GALNT13: variants seen among roughly 807,000 people sequenced by gnomAD.
The protein encoded by GALNT13 is UDP-GalNAc:polypeptide N-acetylgalactosaminyltransferase 13.
A neutral mutation model predicts 64.2 loss-of-function variants in GALNT13; 28 were observed. That is an observed-to-expected ratio of 0.44 (90% CI 0.32 to 0.60). The LOEUF is 0.60. Ranked by LOEUF, GALNT13 falls within the 20% of genes least tolerant of loss-of-function variation. The pLI, the probability that GALNT13 is intolerant of heterozygous loss-of-function variation, is 0.05. For synonymous variants in GALNT13, 214 were observed against 224.6 expected (o/e 0.95, Z 0.42); for missense variants, 577 against 669.8 (o/e 0.86, Z 1.53).
the GALNT13 span, among the ~76,000 whole-genome samples, chr2:153,485,779 A>G: frequency 6.6e-6 from 1 of 152,166 alleles, no homozygotes; most frequent in East Asian, 1.9e-4. Context: ...GCATGCCTAT[A>G]GTCCCAGCTA....
chr2:153,880,409 A>T (rs778390468), intron 1 of GALNT13, among the ~76,000 whole-genome samples: 37 of 152,114 alleles, frequency 2.4e-4, no homozygotes, highest in Non-Finnish European at 1.3e-4. Context: ...ATGTTTGATT[A>T]AATTATGTAA....
At chr2:153,500,957 C>A in the GALNT13 span, among the ~76,000 whole-genome samples, 73 of 151,972 alleles carry the variant, frequency 4.8e-4, no homozygotes, top group South Asian at 1.7e-3. Flanking sequence ...AAAGATTAAG[C>A]CTTATTTTTA....
chr2:153,977,769 G>A (rs369793684), intron 3 of GALNT13, among the ~76,000 whole-genome samples: 159 of 152,226 alleles, frequency 1.0e-3, no homozygotes, highest in African/African-American at 3.8e-3. Context: ...ATATATCTGA[G>A]TTATTCATAT....
the GALNT13 span, among the ~76,000 whole-genome samples, chr2:153,151,000 T>G: frequency 6.6e-6 from 1 of 152,090 alleles, no homozygotes; most frequent in Non-Finnish European, 1.5e-5. Context: ...TCCAATTCTG[T>G]GAAGAAAGTC....
At chr2:153,827,963 A>C in the GALNT13 span, among the ~76,000 whole-genome samples, 4 of 152,242 alleles carry the variant, frequency 2.6e-5, no homozygotes, top group African/African-American at 9.6e-5. Context: ...GCCCCACGCA[A>C]GTCTGAAATC....
chr2:153,319,916 T>A, the GALNT13 span, among the ~76,000 whole-genome samples: 99,211 of 151,990 alleles, frequency 0.65, 33,812 homozygotes, highest in Non-Finnish European at 0.77. Flanking sequence ...AGAAAAATAC[T>A]GGCCATTTTA....
the GALNT13 span, among the ~76,000 whole-genome samples, chr2:153,372,895 G>T: frequency 6.6e-5 from 10 of 152,014 alleles, no homozygotes; most frequent in Non-Finnish European, 1.5e-4. Context: ...CTGTGCCTTT[G>T]TTCTCTTTCT....
intron 8 of GALNT13, among the ~76,000 whole-genome samples, chr2:154,284,040 G>A (rs1692116421): frequency 6.6e-6 from 1 of 152,076 alleles, no homozygotes. Flanking sequence ...ACATTGTGTT[G>A]TTAGATCTGT....
the GALNT13 span, among the ~76,000 whole-genome samples, chr2:153,832,491 C>G: frequency 1.3e-5 from 2 of 152,116 alleles, no homozygotes; most frequent in Non-Finnish European, 2.9e-5. Flanking sequence ...GACTCCACTA[C>G]TAATCCGGGG....
chr2:153,711,254 A>C, the GALNT13 span, among the ~76,000 whole-genome samples: 1 of 152,158 alleles, frequency 6.6e-6, no homozygotes, highest in South Asian at 2.1e-4. Context: ...GCTTTATAAC[A>C]TGCATAGTAT....
At chr2:154,043,433 T>C (rs1558926933) in intron 3 of GALNT13, among the ~76,000 whole-genome samples, 2 of 111,998 alleles carry the variant, frequency 1.8e-5, no homozygotes, top group African/African-American at 3.5e-5. Context: ...TATATATATA[T>C]ATATATATAT....
At chr2:153,840,647 A>G in the GALNT13 span, among the ~76,000 whole-genome samples, 1 of 152,194 alleles carries the variant, frequency 6.6e-6, no homozygotes, top group Admixed American at 6.5e-5. Flanking sequence ...CACAAAGGAC[A>G]GTAGAAAATA....
At chr2:153,259,318 A>T in the GALNT13 span, among the ~76,000 whole-genome samples, 17 of 149,960 alleles carry the variant, frequency 1.1e-4, no homozygotes, top group Admixed American at 2.7e-4. Context: ...GTGTCTCTTT[A>T]TAGGTGTAGT....
chr2:153,573,647 T>C, the GALNT13 span, among the ~76,000 whole-genome samples: 1 of 152,094 alleles, frequency 6.6e-6, no homozygotes, highest in Non-Finnish European at 1.5e-5. Context: ...TCAGATACTA[T>C]GTGATAACAC....
the GALNT13 span, among the ~76,000 whole-genome samples, chr2:153,385,695 ATAAC>A: frequency 6.6e-6 from 1 of 152,056 alleles, no homozygotes; most frequent in Non-Finnish European, 1.5e-5. Flanking sequence ...ACATTTAAAA[ATAAC>A]TAAAAGAGCA....
chr2:154,308,525 C>T (rs1232860036), intron 9 of GALNT13, among the ~76,000 whole-genome samples: 1 of 152,112 alleles, frequency 6.6e-6, no homozygotes, highest in Non-Finnish European at 1.5e-5. Context: ...ATTTTGCAAC[C>T]ACATTTTGTT....
chr2:153,559,297 T>G, the GALNT13 span, among the ~76,000 whole-genome samples: 1 of 152,212 alleles, frequency 6.6e-6, no homozygotes, highest in Non-Finnish European at 1.5e-5. Context: ...ACATTGCATT[T>G]GACATTTATG....
intron 3 of GALNT13, among the ~76,000 whole-genome samples, chr2:154,006,699 G>T (rs1342078162): frequency 1.3e-5 from 2 of 152,130 alleles, no homozygotes; most frequent in Admixed American, 1.3e-4. Flanking sequence ...GATTTATCTT[G>T]CAGGTAATTG....
chr2:154,270,795 C>G (rs1017681532), intron 8 of GALNT13, among the ~76,000 whole-genome samples: 2 of 151,714 alleles, frequency 1.3e-5, no homozygotes, highest in African/African-American at 4.8e-5. Context: ...CATGTTTTAG[C>G]AAACATCCAC....
Sources: gnomAD v4.1 joint callset for allele counts (sites outside exome capture counted in the v4.1 genomes callset) on GRCh38, gnomAD v4.1.1 for gene constraint, MANE v1.5 for transcripts, NCBI Gene and HGNC (gene_info 2026-07-23, HGNC 2026-07-21) for gene names.